Variants in GINS4 observed in about 807,000 individuals in gnomAD.
GINS4 encodes the protein GINS complex subunit 4, also known as DNA replication complex GINS protein SLD5.
In GINS4, 20 loss-of-function variants were observed where a neutral mutation model predicts 31.1. That is an observed-to-expected ratio of 0.64 (90% CI 0.45 to 0.93). The LOEUF is 0.93. GINS4 is among the 40% of genes least tolerant of loss of function. The pLI is 0.00. For missense variants in GINS4, 245 were observed against 273.9 expected, an observed-to-expected ratio of 0.89 and a Z score of 0.75; for synonymous variants, 85 against 97.9, an observed-to-expected ratio of 0.87 and a Z score of 0.78.
rs770306062 is a variant in GINS4, at chr8:41,530,282, T to C, written c.80T>C (p.Ile27Thr). 17 of 1,613,076 alleles carry C rather than the reference T, an allele frequency of 1.1e-5. 1 individual carries two copies. The highest frequency in any genetic ancestry group is 3.3e-5 in the Admixed American group (2 of 59,972). The change falls in exon 2 of 8, where the codon ATT (isoleucine) becomes ACT (threonine). Residue 27 changes from isoleucine to threonine, a missense_variant. Ile to Thr is a moderately conservative substitution (Grantham distance 89). Transcript: ENST00000276533. ...GTGGTCCTAACTCCTGCAGAGCTCA[T>C]TGAAAGATTGGAGCAGGTAAGCATC... ...EEVVLTPAEL[I>T]ERLEQAWMNE...
At chr8:41,533,381 G>C (rs970939385) in intron 2 of GINS4, among the ~76,000 whole-genome samples, 1 of 152,236 alleles carries the variant, frequency 6.6e-6, no homozygotes, top group Non-Finnish European at 1.5e-5. Flanking sequence ...ACTTTTTCAA[G>C]TGAGCATCAT....
rs34771611 is a variant in GINS4, at chr8:41,530,290, T to C, written c.88T>C (p.Leu30=). The C allele has an allele frequency of 0.026, 42,067 of 1,611,504 alleles. 598 individuals are homozygous for C. The highest frequency in any genetic ancestry group is 0.046 in the Middle Eastern group (277 of 6,048). ...AACTCCTGCAGAGCTCATTGAAAGA[T>C]TGGAGCAGGTAAGCATCCCAGATCG... ...VLTPAELIER[L]EQAWMNEKFA... is the part of the protein sequence containing the mutation. The change falls in exon 2 of 8, where the codon TTG becomes CTG. Residue 30 remains leucine, a synonymous_variant. Transcript: ENST00000276533.
chr8:41,542,035 G>A lies in GINS4; in HGVS notation c.620G>A (p.Arg207Gln), dbSNP rs546011448. The A allele has an allele frequency of 1.6e-5, 26 of 1,614,130 alleles. No homozygotes were observed. Among genetic ancestry groups the A allele is most frequent in the South Asian group, 5.5e-5 (5 of 91,086 alleles). The change falls in exon 8 of 8, where the codon CGA becomes CAA. Residue 207 changes from arginine to glutamine, a missense_variant. Transcript: ENST00000276533. ...GAGAAGGGCTCACAGCACTTGATCC[G>A]ATACAAAACCATTGCACCTCTGGTT... ...DLEKGSQHLI[R>Q]YKTIAPLVAS... is the part of the protein sequence containing the mutation.
intron 4 of GINS4, 49 bp downstream of exon 4, chr8:41,537,342 G>A (rs751816347): frequency 3.8e-6 from 5 of 1,325,434 alleles, no homozygotes; most frequent in African/African-American, 1.5e-5. Context: ...AGTCTGTAAT[G>A]CAGACTGAAT....
chr8:41,542,236 A>G lies in GINS4; in HGVS notation c.*149A>G, dbSNP rs1171343884. The G allele has an allele frequency of 3.1e-6, 2 of 645,446 alleles. No homozygotes were observed. Among genetic ancestry groups the G allele is most frequent in the African/African-American group, 1.8e-5 (1 of 55,872 alleles). 40.0% of individuals were successfully genotyped at this position (645,446 alleles called of 1,614,324 possible). ...TCTTTACTAAAAATACAAAATAATT[A>G]GCCGGGTGTTGGTGGTGTGCACCTG... On this transcript the variant is annotated 3_prime_UTR_variant, in exon 8 of 8. Coordinates refer to ENST00000276533, the MANE Select transcript of GINS4 (RefSeq NM_032336.3).
Position 41,530,266 on chromosome 8 carries a change from A to T in GINS4, c.64A>T (p.Thr22Ser). Residue 22 changes from threonine (T) to serine (S), a missense_variant, in exon 2 of 8, where the codon ACT becomes TCT. By Grantham distance (58) the Thr-to-Ser change is moderately conservative. Coordinates refer to ENST00000276533, the MANE Select transcript of GINS4 (RefSeq NM_032336.3). ...TGGGGGTAGTGAGGAAGTGGTCCTA[A>T]CTCCTGCAGAGCTCATTGAAAGATT... ...SDGGSEEVVL[T>S]PAELIERLEQ... 1 of 1,613,722 alleles carries T rather than the reference A, an allele frequency of 6.2e-7. No homozygotes were observed. The highest frequency in any genetic ancestry group is 8.5e-7 in the Non-Finnish European group (1 of 1,179,748).
At chr8:41,538,797 C>A (rs959037082) in intron 4 of GINS4, among the ~76,000 whole-genome samples, 18 of 152,008 alleles carry the variant, frequency 1.2e-4, no homozygotes, top group African/African-American at 3.6e-4. Context: ...CTTCGCCCCC[C>A]AGGTTGACGT....
intron 2 of GINS4, among the ~76,000 whole-genome samples, chr8:41,533,161 A>G (rs1563253446): frequency 1.3e-5 from 2 of 152,260 alleles, no homozygotes; most frequent in African/African-American, 4.8e-5. Context: ...ATAACTCCTG[A>G]AACAGCATGA....
chr8:41,530,620 A>T (rs1806635057), intron 2 of GINS4, among the ~76,000 whole-genome samples: 1 of 152,174 alleles, frequency 6.6e-6, no homozygotes. Context: ...AGTCCCTTGA[A>T]CATCTGCTGT....
Position 41,542,104 on chromosome 8 carries a change from C to A in GINS4, c.*17C>A. 6.3e-7 allele frequency: 1 copy of A among 1,587,352 alleles called. No individual in the cohort carries two copies. Among genetic ancestry groups the A allele is most frequent in the Non-Finnish European group, 8.7e-7 (1 of 1,155,920 alleles). ...CTAATTTAAAACTAGGCATAAACAGCCAGGCATGGTGACTCAAGCCTGTAA... is the reference window on the plus strand; with the variant it reads ...CTAATTTAAAACTAGGCATAAACAGACAGGCATGGTGACTCAAGCCTGTAA... On this transcript the variant is annotated 3_prime_UTR_variant, in exon 8 of 8. Coordinates refer to ENST00000276533, the MANE Select transcript of GINS4 (RefSeq NM_032336.3).
At chr8:41,539,086 A>G (rs1405854931) in intron 4 of GINS4, among the ~76,000 whole-genome samples, 4 of 151,492 alleles carry the variant, frequency 2.6e-5, no homozygotes, top group African/African-American at 9.7e-5. Flanking sequence ...TTGGGAGGCC[A>G]AGGCAGGTGG....
chr8:41,532,089 G>C (rs571842052), intron 2 of GINS4, among the ~76,000 whole-genome samples: 1 of 152,358 alleles, frequency 6.6e-6, no homozygotes, highest in East Asian at 1.9e-4. Context: ...ACAGGCATGA[G>C]CCTCTGTGCC....
At chr8:41,532,146 G>C (rs966551745) in intron 2 of GINS4, among the ~76,000 whole-genome samples, 2 of 152,280 alleles carry the variant, frequency 1.3e-5, no homozygotes, top group South Asian at 2.1e-4. Flanking sequence ...AGGCCACCAG[G>C]CTGGGAGAAG....
chr8:41,532,905 C>A (rs114763546), intron 2 of GINS4, among the ~76,000 whole-genome samples: 2 of 151,550 alleles, frequency 1.3e-5, no homozygotes, highest in South Asian at 4.2e-4. Flanking sequence ...TAGGTATAAT[C>A]GCTTTGGAAA....
At chr8:41,537,091 G>C in intron 3 of GINS4, 89 bp from the exon 4 acceptor site, 4 of 747,032 alleles carry the variant, frequency 5.4e-6, no homozygotes, top group Non-Finnish European at 9.3e-6. Flanking sequence ...TGTTTTCCTT[G>C]GACTGAAACA....
intron 2 of GINS4, among the ~76,000 whole-genome samples, chr8:41,532,726 A>G (rs949080255): frequency 6.6e-6 from 1 of 151,456 alleles, no homozygotes; most frequent in Non-Finnish European, 1.5e-5. Context: ...CCAGCTACTC[A>G]GGAGGTTGAG....
Position 41,539,762 on chromosome 8 carries a change from G to A in GINS4, c.382G>A (p.Ala128Thr). 6.2e-7 allele frequency: 1 copy of A among 1,614,082 alleles called. No homozygotes were observed. Among genetic ancestry groups the A allele is most frequent in the South Asian group, 1.1e-5 (1 of 91,066 alleles). Residue 128 changes from alanine (A) to threonine (T), a missense_variant, in exon 5 of 8, where the codon GCC becomes ACC. By Grantham distance (58) the Ala-to-Thr change is moderately conservative. Transcript: ENST00000276533. ...EPSSLSPEEL[A>T]FAREFMANTE... Reference sequence around the variant, plus strand: ...TTCCAGCCTCTCGCCGGAAGAGTTGGCCTTTGCCAGAGAGTGAGTGAGTGA... The same window carrying A: ...TTCCAGCCTCTCGCCGGAAGAGTTGACCTTTGCCAGAGAGTGAGTGAGTGA...
Position 41,541,905 on chromosome 8 carries a change from T to G in GINS4, c.575+6T>G, listed in dbSNP as rs1375804190. 6.2e-7 allele frequency: 1 copy of G among 1,613,398 alleles called. No individual in the cohort carries two copies. Among genetic ancestry groups the G allele is most frequent in the Non-Finnish European group, 8.5e-7 (1 of 1,179,456 alleles). Reference sequence around the variant, plus strand: ...CCAGACACAGATGAGCAGAGGTGAGTGGCGTGCATCTTTCACAGTGGGCAC... The same window carrying G: ...CCAGACACAGATGAGCAGAGGTGAGGGGCGTGCATCTTTCACAGTGGGCAC... On this transcript the variant is annotated splice_donor_region_variant and intron_variant, in intron 7 of 7. Coordinates refer to ENST00000276533, the MANE Select transcript of GINS4 (RefSeq NM_032336.3).
At chr8:41,539,227 G>A (rs1306928807) in intron 4 of GINS4, among the ~76,000 whole-genome samples, 3 of 147,692 alleles carry the variant, frequency 2.0e-5, no homozygotes, top group South Asian at 2.1e-4. Context: ...GGCTGAGGCC[G>A]GAGAATCACT....
Sources: allele counts gnomAD v4.1 joint callset (sites outside exome capture counted in the v4.1 genomes callset), GRCh38; gene constraint gnomAD v4.1.1; transcripts MANE v1.5; gene names NCBI Gene and HGNC (gene_info 2026-07-23, HGNC 2026-07-21).